ATF3: variants seen among roughly 807,000 people sequenced by gnomAD.
The protein encoded by ATF3 is cyclic AMP-dependent transcription factor ATF-3.
A neutral mutation model predicts 18.4 loss-of-function variants in ATF3; 10 were observed. That is an observed-to-expected ratio of 0.54 (90% CI 0.34 to 0.92). The LOEUF (loss-of-function observed/expected upper bound fraction) is 0.92, where lower values mean the gene tolerates loss of function less well. Among genes scored for constraint, ATF3 ranks in the 40% least tolerant of loss-of-function variants. ATF3 has a pLI of 0.02. For synonymous variants in ATF3, 78 were observed against 87.9 expected (o/e 0.89, Z 0.63); for missense variants, 183 against 222.3 (o/e 0.82, Z 1.12).
At chr1:212,572,628 T>G (rs1484684185) in intron 1 of ATF3, among the ~76,000 whole-genome samples, 2 of 152,242 alleles carry the variant, frequency 1.3e-5, no homozygotes, top group African/African-American at 4.8e-5. Flanking sequence ...ACTATTGAGA[T>G]TTTTATTGAA....
At chr1:212,571,780 C>T (rs1664487446) in intron 1 of ATF3, among the ~76,000 whole-genome samples, 1 of 147,178 alleles carries the variant, frequency 6.8e-6, no homozygotes, top group Non-Finnish European at 1.5e-5. Flanking sequence ...GGTGCAATCT[C>T]GGCCCACTGC....
chr1:212,611,902 T>A lies in ATF3; in HGVS notation c.-5+2972T>A, dbSNP rs11119987. On this transcript the variant is annotated intron_variant, in intron 1 of 3. Transcript: ENST00000341491. ...GTAGCAAGTCTGAACAATTTTATGATCAGCATAGAAAGTCAACTCTGATCT... is the reference window on the plus strand; with the variant it reads ...GTAGCAAGTCTGAACAATTTTATGAACAGCATAGAAAGTCAACTCTGATCT... Among the ~76,000 whole-genome samples the A allele has an allele frequency of 4.9e-3, 750 of 152,340 alleles. 40 individuals carry two copies. The East Asian group carries it at 0.1, about 21-fold the overall frequency.
upstream of ATF3, among the ~76,000 whole-genome samples, chr1:212,603,826 C>T (rs1654551500): frequency 6.6e-6 from 1 of 150,570 alleles, no homozygotes; most frequent in Non-Finnish European, 1.5e-5. Context: ...TGTATATATG[C>T]TATACTTTAT....
At chr1:212,586,630 A>G (rs554626097) in intron 1 of ATF3, among the ~76,000 whole-genome samples, 2 of 152,360 alleles carry the variant, frequency 1.3e-5, no homozygotes, top group East Asian at 3.9e-4. Flanking sequence ...AATCTCCACC[A>G]CAAAGTAGCT....
At chr1:212,601,254 T>C (rs1408478374) in intron 1 of ATF3, among the ~76,000 whole-genome samples, 1 of 152,212 alleles carries the variant, frequency 6.6e-6, no homozygotes, top group African/African-American at 2.4e-5. Context: ...AAGCAAATTA[T>C]GAAATAATTG....
rs956276373 is a variant in ATF3 at position 212,618,284 on chromosome 1, C to G, written c.348+50C>G. The G allele has an allele frequency of 6.4e-7, 1 of 1,559,836 alleles. No individual in the cohort carries two copies. Among genetic ancestry groups the G allele is most frequent in the Non-Finnish European group, 8.8e-7 (1 of 1,131,064 alleles). The stretch of plus-strand genomic sequence containing the variant: ...TCCTCTCGCTCACGCCTGTCTTCAC[C>G]AGCTTCATGTGGCTATCAGAAGAAG... On this transcript the variant is annotated intron_variant, in intron 3 of 3. Coordinates refer to ENST00000341491, the MANE Select transcript of ATF3 (RefSeq NM_001674.4). This position sits in a 1 kb window ranked among gnomAD's most constrained non-coding sequence, Gnocchi z 4.4.
chr1:212,597,595 T>C (rs1307446289), intron 1 of ATF3, among the ~76,000 whole-genome samples: 1 of 152,040 alleles, frequency 6.6e-6, no homozygotes, highest in Non-Finnish European at 1.5e-5. Context: ...GTGGCAGAGG[T>C]TGAGACTCTT....
chr1:212,602,434 T>C (rs1654509597), intron 1 of ATF3, among the ~76,000 whole-genome samples: 1 of 152,200 alleles, frequency 6.6e-6, no homozygotes, highest in African/African-American at 2.4e-5. Context: ...CATTTTTCTC[T>C]GTAAGCTCAG....
intron 1 of ATF3, among the ~76,000 whole-genome samples, chr1:212,592,412 G>A (rs976910001): frequency 1.3e-5 from 2 of 150,668 alleles, no homozygotes; most frequent in African/African-American, 4.9e-5. Context: ...CTATGTTCAC[G>A]TTTCCAAAAG....
At chr1:212,571,457 G>T (rs1483784368) in intron 1 of ATF3, among the ~76,000 whole-genome samples, 1 of 151,964 alleles carries the variant, frequency 6.6e-6, no homozygotes, top group Non-Finnish European at 1.5e-5. Flanking sequence ...GCCCAGGCTG[G>T]AGTGCAGTGG....
At chr1:212,586,796 C>T (rs2102630656) in intron 1 of ATF3, among the ~76,000 whole-genome samples, 1 of 152,334 alleles carries the variant, frequency 6.6e-6, no homozygotes, top group Non-Finnish European at 1.5e-5. Flanking sequence ...AGTTATCACG[C>T]TAAGCCTTAA....
chr1:212,615,199 T>G lies in ATF3; in HGVS notation c.178T>G (p.Ser60Ala). 6.2e-7 allele frequency: 1 copy of G among 1,614,198 alleles called. No homozygotes were observed. Among genetic ancestry groups the G allele is most frequent in the Non-Finnish European group, 8.5e-7 (1 of 1,180,028 alleles). The stretch of plus-strand genomic sequence containing the variant: ...CAAGCACCTCTGCCACCGGATGTCC[T>G]CTGCGCTGGAATCAGTCACTGTCAG... ...QNKHLCHRMSSALESVTVSDR... is the reference protein window; with the variant it reads ...QNKHLCHRMSAALESVTVSDR... Residue 60 changes from serine to alanine, a missense_variant, in exon 2 of 4, where the codon TCT becomes GCT. Physicochemically the swap from Ser to Ala is moderately conservative, Grantham distance 99. Coordinates refer to ENST00000341491, the MANE Select transcript of ATF3 (RefSeq NM_001674.4).
chr1:212,588,537 C>T lies in ATF3; in HGVS notation c.-5+23054C>T, dbSNP rs78413943. 3.7e-3 allele frequency among the ~76,000 whole-genome samples: 565 copies of T among 152,184 alleles called. 6 individuals are homozygous for T. The highest frequency in any genetic ancestry group is 0.013 in the African/African-American group (537 of 41,512). On this transcript the variant is annotated intron_variant, in intron 1 of 3. Coordinates refer to the ATF3 transcript ENST00000366981. ...GGGTAGGATGAGAAGGACAGTTACT[C>T]TCTTTTTAAATTTAAATTTACTTTT...
chr1:212,591,268 G>T (rs1000706193), intron 1 of ATF3, among the ~76,000 whole-genome samples: 14 of 152,130 alleles, frequency 9.2e-5, no homozygotes, highest in Admixed American at 5.9e-4. Flanking sequence ...AGACAGAGAG[G>T]TCCTCTCCTG....
chr1:212,587,532 T>A (rs1414113895), intron 1 of ATF3, among the ~76,000 whole-genome samples: 1 of 152,188 alleles, frequency 6.6e-6, no homozygotes, highest in African/African-American at 2.4e-5. Flanking sequence ...GCCCACAGGC[T>A]GGACTCAGGG....
At chr1:212,589,534 A>G (rs963874855) in intron 1 of ATF3, among the ~76,000 whole-genome samples, 2 of 152,072 alleles carry the variant, frequency 1.3e-5, no homozygotes, top group Admixed American at 6.5e-5. Flanking sequence ...GTTCAATTTT[A>G]TAGAGGTGAG....
At chr1:212,600,491 A>G (rs1392979551) in intron 1 of ATF3, among the ~76,000 whole-genome samples, 1 of 152,214 alleles carries the variant, frequency 6.6e-6, no homozygotes, top group African/African-American at 2.4e-5. Context: ...TGGGTCTGGC[A>G]TGTGCCTGGA....
upstream of ATF3, among the ~76,000 whole-genome samples, chr1:212,604,231 C>T (rs1272185141): frequency 6.6e-6 from 1 of 152,188 alleles, no homozygotes; most frequent in Non-Finnish European, 1.5e-5. Flanking sequence ...GACTTGTATA[C>T]TCACTCAGTT....
At chr1:212,586,524 T>C (rs1664782881) in intron 1 of ATF3, among the ~76,000 whole-genome samples, 1 of 152,230 alleles carries the variant, frequency 6.6e-6, no homozygotes, top group African/African-American at 2.4e-5. Context: ...AATGAATGAA[T>C]GACTACATCG....
Sources: allele counts gnomAD v4.1 joint callset (sites outside exome capture counted in the v4.1 genomes callset), GRCh38; gene constraint gnomAD v4.1.1; non-coding constraint Gnocchi (gnomAD v3.1); transcripts MANE v1.5; gene names NCBI Gene and HGNC (gene_info 2026-07-23, HGNC 2026-07-21).